The following DLGAP1 variants were observed in gnomAD, a reference collection of about 807,000 sequenced individuals.
DLGAP1 encodes the protein DLG associated protein 1, also known as disks large-associated protein 1.
A neutral mutation model predicts 90.8 loss-of-function variants in DLGAP1; 11 were observed. The ratio of observed to expected loss-of-function variants is 0.12; its 90% confidence interval spans 0.08 to 0.20. The LOEUF is 0.20. Ranked by LOEUF, DLGAP1 falls within the 10% of genes least tolerant of loss-of-function variation. The pLI is 1.00. For missense variants in DLGAP1, 1,050 were observed against 1,333.8 expected (o/e 0.79, Z 3.31); for synonymous variants, 558 against 540.7 (o/e 1.03, Z -0.44).
At chr18:3,977,332 AAAGTGCTGGGATTAC>A (rs954816104) in intron 3 of DLGAP1, among the ~76,000 whole-genome samples, 11 of 152,074 alleles carry the variant, frequency 7.2e-5, no homozygotes, top group African/African-American at 2.7e-4. Context: ...TTGGCCTCTC[AAAGTGCTGGGATTAC>A]AGGTGTGAGT....
intron 2 of DLGAP1, among the ~76,000 whole-genome samples, chr18:4,125,799 C>T (rs983198022): frequency 1.4e-4 from 22 of 152,228 alleles, no homozygotes; most frequent in African/African-American, 5.3e-4. Flanking sequence ...GTTTCTTGGC[C>T]AGAGATTTAC....
intron 1 of DLGAP1, among the ~76,000 whole-genome samples, chr18:4,310,237 A>C (rs1192005947): frequency 6.6e-6 from 1 of 151,984 alleles, no homozygotes; most frequent in Admixed American, 6.6e-5. Flanking sequence ...CTTGGGTGTG[A>C]GTTTTTTTTT....
At chr18:3,883,973 G>A (rs537586593) in intron 3 of DLGAP1, among the ~76,000 whole-genome samples, 2 of 152,296 alleles carry the variant, frequency 1.3e-5, no homozygotes, top group East Asian at 3.9e-4. Flanking sequence ...CAATCCGCCT[G>A]GAAGAGAGAG....
chr18:4,074,687 C>T (rs1408513464), intron 2 of DLGAP1, among the ~76,000 whole-genome samples: 1 of 152,096 alleles, frequency 6.6e-6, no homozygotes, highest in African/African-American at 2.4e-5. Context: ...AATCATAGCT[C>T]ATCTACGATC....
At chr18:3,920,063 C>T (rs549886474) in intron 3 of DLGAP1, among the ~76,000 whole-genome samples, 1 of 152,264 alleles carries the variant, frequency 6.6e-6, no homozygotes, top group South Asian at 2.1e-4. Context: ...TTCACTGGGC[C>T]CGGACACAGT....
intron 3 of DLGAP1, among the ~76,000 whole-genome samples, chr18:3,955,088 A>G (rs1298950092): frequency 1.3e-5 from 2 of 152,172 alleles, no homozygotes; most frequent in African/African-American, 4.8e-5. Flanking sequence ...AAGGAACATC[A>G]GAAAAGATTA....
intron 3 of DLGAP1, among the ~76,000 whole-genome samples, chr18:4,000,451 C>T (rs2149071924): frequency 6.6e-6 from 1 of 152,292 alleles, no homozygotes; most frequent in East Asian, 1.9e-4. Flanking sequence ...ATGGCCATCA[C>T]ATTTTGTACT....
At chr18:3,567,070 A>ATTCAT (rs1555682270) in intron 9 of DLGAP1, among the ~76,000 whole-genome samples, 5,105 of 151,024 alleles carry the variant, frequency 0.034, 265 homozygotes, top group African/African-American at 0.12. Flanking sequence ...TCATTCATTC[A>ATTCAT]TCATTCATTC....
chr18:4,158,212 T>C (rs2076788281), intron 1 of DLGAP1, among the ~76,000 whole-genome samples: 1 of 152,198 alleles, frequency 6.6e-6, no homozygotes, highest in Non-Finnish European at 1.5e-5. Flanking sequence ...GCAAAGCAAC[T>C]ATTCTTATAG....
chr18:4,063,260 T>C (rs1464023491), intron 2 of DLGAP1, among the ~76,000 whole-genome samples: 1 of 152,120 alleles, frequency 6.6e-6, no homozygotes, highest in East Asian at 1.9e-4. Flanking sequence ...ATATATTCAA[T>C]ATTGGAGTTT....
At chr18:4,327,058 A>G (rs1168151711) in intron 1 of DLGAP1, among the ~76,000 whole-genome samples, 1 of 148,548 alleles carries the variant, frequency 6.7e-6, no homozygotes, top group East Asian at 2.0e-4. Flanking sequence ...TGGGGGTGGG[A>G]ATGAAGGAAT....
chr18:4,249,763 C>A (rs181401298), intron 1 of DLGAP1, among the ~76,000 whole-genome samples: 156 of 152,132 alleles, frequency 1.0e-3, no homozygotes, highest in Middle Eastern at 6.8e-3. Flanking sequence ...AATTATTTTG[C>A]TTTCTGTAGA....
At chr18:3,514,331 T>C (rs2050708046) in intron 10 of DLGAP1, among the ~76,000 whole-genome samples, 1 of 152,208 alleles carries the variant, frequency 6.6e-6, no homozygotes, top group Non-Finnish European at 1.5e-5. Flanking sequence ...CATCAGACCT[T>C]ACTTTAAGGC....
intron 7 of DLGAP1, among the ~76,000 whole-genome samples, chr18:3,644,714 A>G (rs535002553): frequency 6.6e-6 from 1 of 152,128 alleles, no homozygotes; most frequent in African/African-American, 2.4e-5. Context: ...CGGCCAGCCT[A>G]TTATTTATTT....
chr18:3,527,412 T>G (rs2109570), intron 10 of DLGAP1, among the ~76,000 whole-genome samples: 91 of 2,222 alleles, frequency 0.041, 1 homozygote, highest in South Asian at 0.071. Context: ...TTTCCAAACT[T>G]TTTTTTTTTT....
chr18:4,453,925 ACC>A (rs2083900036), intron 1 of DLGAP1, among the ~76,000 whole-genome samples: 1 of 151,854 alleles, frequency 6.6e-6, no homozygotes, highest in South Asian at 2.1e-4. Context: ...GCTACCTTTA[ACC>A]CCTTGCCCTC....
intron 1 of DLGAP1, among the ~76,000 whole-genome samples, chr18:4,272,743 A>C (rs2079313631): frequency 6.6e-6 from 1 of 152,210 alleles, no homozygotes; most frequent in Non-Finnish European, 1.5e-5. Flanking sequence ...ATGCCCTCAA[A>C]ATATATGTTC....
intron 1 of DLGAP1, among the ~76,000 whole-genome samples, chr18:4,168,296 C>T (rs1208430318): frequency 6.6e-6 from 1 of 152,056 alleles, no homozygotes; most frequent in Non-Finnish European, 1.5e-5. Flanking sequence ...AAAATATGTT[C>T]AACTGGTTTT....
chr18:4,046,383 T>A (rs935288958), intron 2 of DLGAP1, among the ~76,000 whole-genome samples: 1 of 152,262 alleles, frequency 6.6e-6, no homozygotes, highest in Non-Finnish European at 1.5e-5. Context: ...ACTGATTTAA[T>A]AGGCCTTCTG....
Sources: allele counts gnomAD v4.1 joint callset (sites outside exome capture counted in the v4.1 genomes callset), GRCh38; gene constraint gnomAD v4.1.1; transcripts MANE v1.5; gene names NCBI Gene and HGNC (gene_info 2026-07-23, HGNC 2026-07-21).